EPB41L2: variants seen among roughly 807,000 people sequenced by gnomAD.
The protein encoded by EPB41L2 is band 4.1-like protein 2.
A neutral mutation model predicts 113.0 loss-of-function variants in EPB41L2; 43 were observed. The ratio of observed to expected loss-of-function variants is 0.38; its 90% CI spans 0.30 to 0.49. EPB41L2 has a LOEUF of 0.49. Among genes scored for constraint, EPB41L2 ranks in the 20% least tolerant of loss-of-function variants. The pLI is 0.95. For missense variants in EPB41L2, 1,147 were observed against 1,223.4 expected (o/e 0.94, Z 0.93); for synonymous variants, 442 against 436.7 (o/e 1.01, Z -0.15).
chr6:131,044,831 T>A (rs1360531925), intron 1 of EPB41L2, among the ~76,000 whole-genome samples: 1 of 152,176 alleles, frequency 6.6e-6, no homozygotes, highest in Non-Finnish European at 1.5e-5. Flanking sequence ...AGTCCACTGG[T>A]GAGTTGTGAA....
At chr6:131,009,231 A>G (rs2128723078) in intron 1 of EPB41L2, among the ~76,000 whole-genome samples, 1 of 152,272 alleles carries the variant, frequency 6.6e-6, no homozygotes, top group South Asian at 2.1e-4. Context: ...ATGGTTTTAT[A>G]AGGGGCTTTC....
Position 130,878,400 on chromosome 6 carries a change from A to G in EPB41L2, c.1897-150T>C, listed in dbSNP as rs1053200153. On this transcript the variant is annotated intron_variant, in intron 13 of 19. Transcript: ENST00000337057. Reference sequence around the variant, plus strand: ...AGAAAAATGCCAAGTCTCTAAAGCCATATTATTATCTATGAGTAAGTTCAT... The same window carrying G: ...AGAAAAATGCCAAGTCTCTAAAGCCGTATTATTATCTATGAGTAAGTTCAT... 9.9e-5 allele frequency: 81 copies of G among 816,436 alleles called. No individual in the cohort carries two copies. In the African/African-American group the frequency reaches 1.1e-3, roughly 11 times the overall value. 50.6% of individuals were successfully genotyped at this position (816,436 alleles called of 1,614,324 possible). A position where few individuals can be genotyped will look rare whatever the true frequency, so the allele number is the denominator to read the frequency against.
intron 3 of EPB41L2, among the ~76,000 whole-genome samples, chr6:130,931,180 A>G (rs1452905285): frequency 6.6e-6 from 1 of 152,146 alleles, no homozygotes; most frequent in Non-Finnish European, 1.5e-5. Context: ...ACGCTATAAA[A>G]CTTCAAATTA....
At chr6:130,939,181 AC>A (rs1387571823) in intron 3 of EPB41L2, among the ~76,000 whole-genome samples, 1 of 152,174 alleles carries the variant, frequency 6.6e-6, no homozygotes, top group Non-Finnish European at 1.5e-5. Flanking sequence ...AAGCCACAAA[AC>A]TATATATAAT....
At chr6:130,917,705 G>GA (rs2128531632) in intron 4 of EPB41L2, among the ~76,000 whole-genome samples, 1 of 152,258 alleles carries the variant, frequency 6.6e-6, no homozygotes, top group South Asian at 2.1e-4. Context: ...CAACAGTCCT[G>GA]AATAAAGTCT....
At chr6:130,988,246 T>C (rs1039225264) in intron 1 of EPB41L2, among the ~76,000 whole-genome samples, 9 of 152,022 alleles carry the variant, frequency 5.9e-5, no homozygotes, top group African/African-American at 2.2e-4. Flanking sequence ...TAAAGAAGAA[T>C]AACTAAAAAA....
Position 130,878,266 on chromosome 6 carries a change from G to A in EPB41L2, c.1897-16C>T, listed in dbSNP as rs755042160. The stretch of plus-strand genomic sequence containing the variant: ...TATCCAGTTCCTAGCAATATGTAAC[G>A]TAACAAAGGGGGGAAAAATCCAAAA... On this transcript the variant is annotated splice_polypyrimidine_tract_variant and intron_variant, in intron 13 of 19. Coordinates refer to ENST00000337057, the MANE Select transcript of EPB41L2 (RefSeq NM_001431.4). 27 of 1,582,922 alleles carry A rather than the reference G, an allele frequency of 1.7e-5. No homozygotes were observed. Among genetic ancestry groups the A allele is most frequent in the Admixed American group, 9.2e-5 (5 of 54,366 alleles).
At chr6:130,881,263 T>C (rs1484397509) in intron 12 of EPB41L2, 2 of 152,226 alleles carry the variant, frequency 1.3e-5, no homozygotes, top group South Asian at 2.1e-4. Context: ...ATTAGGATGA[T>C]AGTGTCAAAT....
At chr6:131,044,185 C>A (rs1415960195) in intron 1 of EPB41L2, among the ~76,000 whole-genome samples, 1 of 151,928 alleles carries the variant, frequency 6.6e-6, no homozygotes, top group African/African-American at 2.4e-5. Flanking sequence ...CCATGCCTAA[C>A]TAAGTTTACT....
At chr6:131,006,451 C>T (rs1356828789) in intron 1 of EPB41L2, among the ~76,000 whole-genome samples, 2 of 151,594 alleles carry the variant, frequency 1.3e-5, no homozygotes, top group Non-Finnish European at 2.9e-5. Context: ...CATTTGAGGT[C>T]AGGAGCTCGA....
intron 1 of EPB41L2, among the ~76,000 whole-genome samples, chr6:130,957,023 A>G (rs1817669003): frequency 6.6e-6 from 1 of 152,354 alleles, no homozygotes; most frequent in East Asian, 1.9e-4. Flanking sequence ...ATGGTGTGTA[A>G]CAGCCAAGAA....
At chr6:130,961,449 T>C (rs1773503609) in intron 1 of EPB41L2, among the ~76,000 whole-genome samples, 1 of 152,218 alleles carries the variant, frequency 6.6e-6, no homozygotes, top group Admixed American at 6.5e-5. Flanking sequence ...TTCTTTTTTT[T>C]CCAACGTTTA....
chr6:130,865,751 C>A, intron 16 of EPB41L2, 117 bp from the exon 17 acceptor site: 1 of 1,042,938 alleles, frequency 9.6e-7, no homozygotes, highest in South Asian at 1.5e-5. Context: ...TGCGTGTTTG[C>A]AGTAGTAATT....
rs569361396 is a variant in EPB41L2, at chr6:130,880,236, A to T, written c.1834-30T>A. 1.7e-5 allele frequency: 26 copies of T among 1,500,366 alleles called. No individual in the cohort carries two copies. The South Asian group carries it at 2.8e-4, about 16-fold the overall frequency. 92.9% of individuals were successfully genotyped at this position (1,500,366 alleles called of 1,614,324 possible). ...GAAATTAAATCACACACAGGGGGGAAAAGGCAAATAAACATAAGTGTATCA... is the reference window on the plus strand; with the variant it reads ...GAAATTAAATCACACACAGGGGGGATAAGGCAAATAAACATAAGTGTATCA... On this transcript the variant is annotated intron_variant, in intron 12 of 19. Coordinates refer to ENST00000337057, the MANE Select transcript of EPB41L2 (RefSeq NM_001431.4).
At chr6:130,949,558 C>T (rs1449854418) in intron 3 of EPB41L2, among the ~76,000 whole-genome samples, 2 of 150,476 alleles carry the variant, frequency 1.3e-5, no homozygotes, top group Non-Finnish European at 3.0e-5. Flanking sequence ...GAGAGAGATC[C>T]TGTTGAAAAA....
chr6:130,883,468 A>C (rs1317451180), intron 12 of EPB41L2, among the ~76,000 whole-genome samples: 1 of 152,256 alleles, frequency 6.6e-6, no homozygotes, highest in Non-Finnish European at 1.5e-5. Context: ...ATTTACTTTT[A>C]AACCTGGTTG....
chr6:131,034,257 C>T (rs1443679330), intron 1 of EPB41L2, among the ~76,000 whole-genome samples: 2 of 152,004 alleles, frequency 1.3e-5, no homozygotes, highest in East Asian at 3.9e-4. Context: ...GACCAATAAA[C>T]ATATTGGGGG....
intron 1 of EPB41L2, among the ~76,000 whole-genome samples, chr6:130,996,429 C>T (rs1783123737): frequency 6.6e-6 from 1 of 152,200 alleles, no homozygotes; most frequent in South Asian, 2.1e-4. Flanking sequence ...CTGATCTTTA[C>T]TTGTTTCAAA....
intron 1 of EPB41L2, among the ~76,000 whole-genome samples, chr6:131,009,408 A>T (rs1043461723): frequency 1.3e-5 from 2 of 152,180 alleles, no homozygotes; most frequent in Non-Finnish European, 2.9e-5. Flanking sequence ...TAGCAGCATG[A>T]GAACAGACTA....
Sources: allele counts gnomAD v4.1 joint callset (sites outside exome capture counted in the v4.1 genomes callset), GRCh38; gene constraint gnomAD v4.1.1; transcripts MANE v1.5; gene names NCBI Gene and HGNC (gene_info 2026-07-23, HGNC 2026-07-21).